The following SRGAP3 variants were observed in gnomAD, a reference collection of about 807,000 sequenced individuals.
SRGAP3 encodes SLIT-ROBO Rho GTPase-activating protein 3.
Under a neutral mutation model 121.1 loss-of-function variants are expected in SRGAP3, and 39 were observed. The ratio of observed to expected loss-of-function variants is 0.32; its 90% CI spans 0.25 to 0.42. The LOEUF is 0.42. Ranked by LOEUF, SRGAP3 falls within the 10% of genes least tolerant of loss-of-function variation. The probability of loss-of-function intolerance (pLI) is 1.00; values close to 1 mark genes in which losing one functional copy is unlikely to be tolerated. For missense variants in SRGAP3, 1,213 were observed against 1,470.6 expected (o/e 0.82, Z 2.86); for synonymous variants, 601 against 570.0 (o/e 1.05, Z -0.77).
intron 9 of SRGAP3, chr3:9,049,521 C>T (rs559351980): frequency 4.2e-4 from 193 of 455,840 alleles, no homozygotes; most frequent in Non-Finnish European, 5.7e-4. Context: ...CTGGGTACCT[C>T]GGGCAGATTA....
chr3:9,094,020 T>C (rs534514635), intron 3 of SRGAP3, among the ~76,000 whole-genome samples: 1 of 152,320 alleles, frequency 6.6e-6, no homozygotes, highest in East Asian at 1.9e-4. Flanking sequence ...TTTTGTTATT[T>C]TTGCTTCAAA....
At chr3:9,044,954 T>C (rs1343296933) in intron 10 of SRGAP3, among the ~76,000 whole-genome samples, 3 of 152,310 alleles carry the variant, frequency 2.0e-5, no homozygotes, top group Middle Eastern at 3.4e-3. Flanking sequence ...AGTGGCTATA[T>C]AAAAATGACT....
chr3:9,356,759 C>T (rs1471137340), intron 1 of SRGAP3, among the ~76,000 whole-genome samples: 2 of 151,884 alleles, frequency 1.3e-5, no homozygotes, highest in African/African-American at 2.4e-5. Context: ...CCACCTGCCT[C>T]GGCCTCCTAA....
chr3:9,208,725 T>C (rs1952346579), intron 1 of SRGAP3, among the ~76,000 whole-genome samples: 1 of 152,068 alleles, frequency 6.6e-6, no homozygotes, highest in South Asian at 2.1e-4. Context: ...ATGGAGGGAG[T>C]CCTAGTTCAG....
chr3:9,247,542 T>A (rs1469753433), intron 1 of SRGAP3, among the ~76,000 whole-genome samples: 1 of 152,192 alleles, frequency 6.6e-6, no homozygotes, highest in African/African-American at 2.4e-5. Flanking sequence ...GAAGCGTGTA[T>A]GGCAGCTGCG....
chr3:9,181,090 T>C (rs1951382430), intron 1 of SRGAP3, among the ~76,000 whole-genome samples: 1 of 152,230 alleles, frequency 6.6e-6, no homozygotes, highest in Non-Finnish European at 1.5e-5. Context: ...ATCACTTCTT[T>C]AAATTTCAGT....
Position 9,260,507 on chromosome 3 carries a change from C to T in SRGAP3, n.442+65503G>A, listed in dbSNP as rs1954232235. ...AGGAGGCTTGAGTAGGTTGTTTTCC[C>T]CTTATAATGTAAATAAAGCCACTGG... On this transcript the variant is annotated intron_variant and non_coding_transcript_variant, in intron 3 of 3. Coordinates refer to the SRGAP3 transcript ENST00000490889. 2.0e-5 allele frequency among the ~76,000 whole-genome samples: 3 copies of T among 152,158 alleles called. No individual in the cohort carries two copies. The South Asian group carries it at 6.2e-4, about 32-fold the overall frequency.
intron 17 of SRGAP3, among the ~76,000 whole-genome samples, chr3:9,010,775 C>A (rs1202093210): frequency 6.6e-6 from 1 of 152,188 alleles, no homozygotes; most frequent in African/African-American, 2.4e-5. Flanking sequence ...GTTATTTCAT[C>A]TGGCCTGACT....
intron 3 of SRGAP3, among the ~76,000 whole-genome samples, chr3:9,319,055 C>A (rs1010287978): frequency 6.6e-6 from 1 of 151,810 alleles, no homozygotes; most frequent in Non-Finnish European, 1.5e-5. Context: ...AAAATACATT[C>A]ATTTTAAATA....
At chr3:9,005,237 C>T (rs927446997) in intron 18 of SRGAP3, among the ~76,000 whole-genome samples, 4 of 152,224 alleles carry the variant, frequency 2.6e-5, no homozygotes, top group African/African-American at 9.6e-5. Context: ...TGCAACTTCA[C>T]ATCCACTAGG....
intron 19 of SRGAP3, chr3:8,994,129 G>T: frequency 1.5e-6 from 1 of 659,352 alleles, no homozygotes; most frequent in Non-Finnish European, 2.6e-6. Context: ...ACCCAACACC[G>T]TTTCTGTGTG....
chr3:8,988,066 C>G (rs1941826411), intron 21 of SRGAP3, among the ~76,000 whole-genome samples: 1 of 151,198 alleles, frequency 6.6e-6, no homozygotes. Flanking sequence ...ACAGGAAGTT[C>G]AGAGAAAGAT....
intron 1 of SRGAP3, among the ~76,000 whole-genome samples, chr3:9,158,369 CT>C (rs1006241512): frequency 7.2e-5 from 11 of 152,184 alleles, no homozygotes; most frequent in African/African-American, 2.7e-4. Flanking sequence ...ATGCAGCCCC[CT>C]GTTAATGTGA....
chr3:9,290,206 T>C (rs1954848436), intron 3 of SRGAP3, among the ~76,000 whole-genome samples: 1 of 152,240 alleles, frequency 6.6e-6, no homozygotes, highest in Admixed American at 6.5e-5. Context: ...TTTTGGCCTC[T>C]GAGTATTTCT....
intron 1 of SRGAP3, among the ~76,000 whole-genome samples, chr3:9,173,839 A>G (rs573472364): frequency 1.8e-4 from 27 of 152,248 alleles, no homozygotes; most frequent in African/African-American, 5.5e-4. Flanking sequence ...GTAAACATCT[A>G]TTGGTGTTTG....
Position 9,214,195 on chromosome 3 carries a change from C to T in SRGAP3, c.67+34690G>A, listed in dbSNP as rs7640926. 7.7e-3 allele frequency among the ~76,000 whole-genome samples: 1,171 copies of T among 151,796 alleles called. 11 individuals are homozygous for T. Among genetic ancestry groups the T allele is most frequent in the African/African-American group, 0.027 (1,113 of 41,362 alleles). ...TCATTTCCCACACGATCACTGGTAACCAGAACACAACAGAAGCTTAATAAA... is the reference window on the plus strand; with the variant it reads ...TCATTTCCCACACGATCACTGGTAATCAGAACACAACAGAAGCTTAATAAA... On this transcript the variant is annotated intron_variant, in intron 1 of 21. Coordinates refer to ENST00000383836, the MANE Select transcript of SRGAP3 (RefSeq NM_014850.4).
chr3:8,992,765 CGCCCAGTGT>C, intron 20 of SRGAP3, 132 bp downstream of exon 20: 1 of 1,492,764 alleles, frequency 6.7e-7, no homozygotes, highest in Non-Finnish European at 9.3e-7. Context: ...CCAGCCAGCC[CGCCCAGTGT>C]GCCCATTTCA....
chr3:9,010,438 ACAGCACCTT>A (rs1470581862), intron 17 of SRGAP3, 51 bp from the exon 18 acceptor site: 1 of 1,605,592 alleles, frequency 6.2e-7, no homozygotes. Context: ...ATCTACCCTC[ACAGCACCTT>A]CAGCCTCTCA....
chr3:9,219,198 T>C (rs914937079), intron 1 of SRGAP3: 5 of 152,096 alleles, frequency 3.3e-5, no homozygotes, highest in African/African-American at 4.8e-5. Flanking sequence ...TTAGTCTGTA[T>C]TGTTCTAAAG....
Sources: gnomAD v4.1 joint callset for allele counts (sites outside exome capture counted in the v4.1 genomes callset) on GRCh38, gnomAD v4.1.1 for gene constraint, MANE v1.5 for transcripts, NCBI Gene and HGNC (gene_info 2026-07-23, HGNC 2026-07-21) for gene names.